The following CYB5R4 variants were observed in gnomAD, a reference collection of about 807,000 sequenced individuals.
CYB5R4 encodes the protein N-terminal cytochrome b5 and cytochrome b5 oxidoreductase domain-containing protein.
A neutral mutation model predicts 70.2 loss-of-function variants in CYB5R4; 55 were observed. That is an observed-to-expected ratio of 0.78 (90% confidence interval 0.63 to 0.98). The LOEUF (loss-of-function observed/expected upper bound fraction) is 0.98. CYB5R4 is among the 50% of genes least tolerant of loss of function. The probability of loss-of-function intolerance (pLI) is 0.00; values close to 1 mark genes in which losing one functional copy is unlikely to be tolerated. For missense variants in CYB5R4, 562 were observed against 612.6 expected, an observed-to-expected ratio of 0.92 and a Z score of 0.87; for synonymous variants, 197 against 199.5, an observed-to-expected ratio of 0.99 and a Z score of 0.11.
At chr6:83,923,127 A>G (rs974284367) in intron 9 of CYB5R4, among the ~76,000 whole-genome samples, 2 of 151,608 alleles carry the variant, frequency 1.3e-5, no homozygotes, top group South Asian at 4.2e-4. Flanking sequence ...ATAGAAATAT[A>G]CTATGTTAGA....
chr6:83,893,563 G>C lies in CYB5R4; in HGVS notation c.271G>C (p.Gly91Arg). Residue 91 changes from glycine to arginine, a missense_variant, in exon 3 of 16, where the codon GGT (glycine) becomes CGT (arginine). By Grantham distance (125) the Gly-to-Arg change is moderately radical. Coordinates refer to ENST00000369681, the MANE Select transcript of CYB5R4 (RefSeq NM_016230.4). ...CAGCCCTTATATGGAGTATCATCCT[G>C]GTGGAGAAGATGAACTAATGAGAGC... is the stretch of plus-strand genomic sequence containing the variant. Reference protein sequence around the residue: ...NVSPYMEYHPGGEDELMRAAG... With the variant: ...NVSPYMEYHPRGEDELMRAAG... The C allele has an allele frequency of 6.2e-7, 1 of 1,613,004 alleles. No homozygotes were observed. The highest frequency in any genetic ancestry group is 8.5e-7 in the Non-Finnish European group (1 of 1,179,210).
intron 6 of CYB5R4, among the ~76,000 whole-genome samples, chr6:83,918,882 A>G (rs1335241698): frequency 6.6e-6 from 1 of 152,128 alleles, no homozygotes; most frequent in Non-Finnish European, 1.5e-5. Context: ...AAATTAGACT[A>G]TATAGGTGAT....
Position 83,859,843 on chromosome 6 carries a change from G to T in CYB5R4, c.61G>T (p.Gly21Trp), listed in dbSNP as rs1330901281. 2.5e-6 allele frequency: 4 copies of T among 1,612,302 alleles called. No individual in the cohort carries two copies. The highest frequency in any genetic ancestry group is 2.5e-6 in the Non-Finnish European group (3 of 1,179,480). The change falls in exon 1 of 16, where the codon GGG (glycine) becomes TGG (tryptophan). Residue 21 changes from glycine (G) to tryptophan (W), a missense_variant. By Grantham distance (184) the Gly-to-Trp change is radical. Coordinates refer to ENST00000369681, the MANE Select transcript of CYB5R4 (RefSeq NM_016230.4). ...APRSQQRVAS[G>W]GRSKVPLKQG... ...CAGGTCGCAGCAGCGTGTCGCCTCC[G>T]GGGGGCGTAGCAAGGTAAGCGGGTG...
chr6:83,953,806 G>A (rs2099471904), intron 14 of CYB5R4, among the ~76,000 whole-genome samples: 1 of 152,116 alleles, frequency 6.6e-6, no homozygotes, highest in South Asian at 2.1e-4. Context: ...TTGGATGACT[G>A]CTAATGATTT....
At chr6:83,914,274 T>A (rs1588574523) in intron 4 of CYB5R4, 142 bp from the exon 5 acceptor site, 6 of 816,802 alleles carry the variant, frequency 7.3e-6, no homozygotes, top group Non-Finnish European at 1.1e-5. Context: ...CGTTTCTATA[T>A]TGGCCTGTTT....
chr6:83,924,871 T>C (rs2099467026), intron 10 of CYB5R4, among the ~76,000 whole-genome samples: 1 of 152,206 alleles, frequency 6.6e-6, no homozygotes, highest in South Asian at 2.1e-4. Flanking sequence ...GATCAACCAT[T>C]TTCTCTTTCA....
chr6:83,884,773 G>A (rs964620197), intron 2 of CYB5R4, among the ~76,000 whole-genome samples: 1 of 152,072 alleles, frequency 6.6e-6, no homozygotes, highest in Non-Finnish European at 1.5e-5. Flanking sequence ...AATGAACAGT[G>A]GTGAATAATT....
At chr6:83,915,121 C>G (rs2099465294) in intron 5 of CYB5R4, among the ~76,000 whole-genome samples, 1 of 152,120 alleles carries the variant, frequency 6.6e-6, no homozygotes. Flanking sequence ...ATTTTTTAAG[C>G]TGAGTGGTGC....
intron 10 of CYB5R4, among the ~76,000 whole-genome samples, chr6:83,932,981 A>G (rs1250733782): frequency 6.6e-6 from 1 of 152,188 alleles, no homozygotes; most frequent in Non-Finnish European, 1.5e-5. Flanking sequence ...AGCATAGAAC[A>G]TACTTTGACA....
intron 15 of CYB5R4, among the ~76,000 whole-genome samples, chr6:83,955,898 A>G (rs1413035505): frequency 1.3e-5 from 2 of 152,196 alleles, no homozygotes; most frequent in South Asian, 2.1e-4. Context: ...CCAAGCAGCA[A>G]GACAAAAAGG....
intron 15 of CYB5R4, among the ~76,000 whole-genome samples, chr6:83,958,723 C>T (rs991551986): frequency 1.3e-5 from 2 of 152,100 alleles, no homozygotes; most frequent in Admixed American, 1.3e-4. Context: ...TGGGAGCTGC[C>T]AGCTGGGGTT....
intron 14 of CYB5R4, 81 bp downstream of exon 14, chr6:83,940,682 T>A: frequency 6.8e-7 from 1 of 1,462,024 alleles, no homozygotes; most frequent in Non-Finnish European, 9.1e-7. Flanking sequence ...TGGTTGAAGC[T>A]TTGATTGTCC....
chr6:83,906,774 T>A (rs34163368), intron 3 of CYB5R4, among the ~76,000 whole-genome samples: 6,493 of 152,316 alleles, frequency 0.043, 141 homozygotes, highest in Middle Eastern at 0.048. Context: ...GTCAACTATC[T>A]TCTTTCTATA....
intron 3 of CYB5R4, among the ~76,000 whole-genome samples, chr6:83,897,782 C>T (rs1397287070): frequency 1.3e-5 from 2 of 152,036 alleles, no homozygotes; most frequent in Non-Finnish European, 2.9e-5. Flanking sequence ...TTTGTAGATT[C>T]TGGATATTAG....
At chr6:83,863,784 A>T (rs1270948827) in intron 1 of CYB5R4, among the ~76,000 whole-genome samples, 1 of 152,266 alleles carries the variant, frequency 6.6e-6, no homozygotes, top group Non-Finnish European at 1.5e-5. Flanking sequence ...AACCATTTAC[A>T]TAGCATTTAC....
chr6:83,934,411 T>G (rs1192455138), intron 10 of CYB5R4, among the ~76,000 whole-genome samples, 184 bp from the exon 11 acceptor site: 1 of 152,134 alleles, frequency 6.6e-6, no homozygotes, highest in Non-Finnish European at 1.5e-5. Context: ...GGTCAACACA[T>G]ATCTCAGGAA....
chr6:83,934,448 TATTG>T, intron 10 of CYB5R4, 143 bp from the exon 11 acceptor site: 1 of 561,906 alleles, frequency 1.8e-6, no homozygotes, highest in Non-Finnish European at 3.1e-6. Flanking sequence ...AACCTTAAAA[TATTG>T]ATTAATTTTT....
intron 12 of CYB5R4, among the ~76,000 whole-genome samples, chr6:83,937,060 A>T (rs1196351050): frequency 6.6e-6 from 1 of 152,190 alleles, no homozygotes; most frequent in Non-Finnish European, 1.5e-5. Flanking sequence ...AGATCTCTTG[A>T]GGTCGGAAGT....
At chr6:83,933,522 A>G (rs1176906885) in intron 10 of CYB5R4, among the ~76,000 whole-genome samples, 1 of 151,980 alleles carries the variant, frequency 6.6e-6, no homozygotes, top group African/African-American at 2.4e-5. Context: ...TTTTTAGCTT[A>G]AAAAAAAGAG....
Sources: gnomAD v4.1 joint callset for allele counts (sites outside exome capture counted in the v4.1 genomes callset) on GRCh38, gnomAD v4.1.1 for gene constraint, MANE v1.5 for transcripts, NCBI Gene and HGNC (gene_info 2026-07-23, HGNC 2026-07-21) for gene names.